TRIM24: variants seen among roughly 807,000 people sequenced by gnomAD.
The protein encoded by TRIM24 is tripartite motif containing 24, also known as transcription intermediary factor 1-alpha.
Under a neutral mutation model 123.9 loss-of-function variants are expected in TRIM24, and 29 were observed. That is an observed-to-expected ratio of 0.23 (90% CI 0.17 to 0.32). The LOEUF (loss-of-function observed/expected upper bound fraction) is 0.32, where lower values mean the gene tolerates loss of function less well. Among genes scored for constraint, TRIM24 ranks in the 10% least tolerant of loss-of-function variants. The pLI is 1.00. For missense variants in TRIM24, 932 were observed against 1,295.3 expected (o/e 0.72, Z 4.31); for synonymous variants, 456 against 461.1 (o/e 0.99, Z 0.14).
chr7:138,480,682 A>G (rs1338223761), intron 1 of TRIM24, among the ~76,000 whole-genome samples: 3 of 152,062 alleles, frequency 2.0e-5, no homozygotes, highest in Non-Finnish European at 4.4e-5. Flanking sequence ...GATCATAGAG[A>G]AGGTGAACGC....
At chr7:138,507,822 A>G (rs974210612) in intron 2 of TRIM24, among the ~76,000 whole-genome samples, 4 of 152,026 alleles carry the variant, frequency 2.6e-5, no homozygotes, top group Non-Finnish European at 4.4e-5. Context: ...AGTCCCAGCT[A>G]GTTGGGAGGC....
intron 9 of TRIM24, among the ~76,000 whole-genome samples, chr7:138,557,330 A>G (rs535882931): frequency 6.6e-6 from 1 of 152,156 alleles, no homozygotes; most frequent in South Asian, 2.1e-4. Context: ...GTTTAATGGA[A>G]AGCATCTCTA....
intron 10 of TRIM24, among the ~76,000 whole-genome samples, chr7:138,570,248 A>G (rs1188758513): frequency 1.3e-5 from 2 of 152,116 alleles, no homozygotes; most frequent in Non-Finnish European, 1.5e-5. Context: ...TGCCCAGCCC[A>G]TCATGTTTTT....
chr7:138,549,942 G>C (rs1797177299), intron 7 of TRIM24, among the ~76,000 whole-genome samples: 1 of 152,160 alleles, frequency 6.6e-6, no homozygotes, highest in South Asian at 2.1e-4. Flanking sequence ...AAAAGTGGTG[G>C]AAGTTTGTGG....
chr7:138,544,188 A>G (rs959566560), intron 7 of TRIM24, among the ~76,000 whole-genome samples: 1 of 152,140 alleles, frequency 6.6e-6, no homozygotes, highest in Admixed American at 6.6e-5. Context: ...TACATTTCCT[A>G]CCCACCTAGC....
At chr7:138,528,086 C>A (rs1362028721) in intron 5 of TRIM24, among the ~76,000 whole-genome samples, 1 of 151,898 alleles carries the variant, frequency 6.6e-6, no homozygotes, top group Non-Finnish European at 1.5e-5. Flanking sequence ...ATGACTCTTG[C>A]TATGCGGCCT....
intron 6 of TRIM24, among the ~76,000 whole-genome samples, chr7:138,537,057 G>A (rs527729626): frequency 2.3e-4 from 35 of 152,214 alleles, no homozygotes; most frequent in East Asian, 5.8e-4. Context: ...TGCTAAGTCC[G>A]TTGGAAAAGC....
At chr7:138,463,989 C>CCTTTTTTTTTTTTT (rs1554429651) in intron 1 of TRIM24, among the ~76,000 whole-genome samples, 1 of 50,766 alleles carries the variant, frequency 2.0e-5, no homozygotes, top group Admixed American at 3.2e-4. Context: ...AAAATTTAGA[C>CCTTTTTTTTTTTTT]TTTTTTTTTT....
At chr7:138,574,673 G>A (rs1311779793) in intron 12 of TRIM24, among the ~76,000 whole-genome samples, 2 of 152,178 alleles carry the variant, frequency 1.3e-5, no homozygotes, top group African/African-American at 4.8e-5. Context: ...CATTGAGAAT[G>A]TGATGAGAGG....
intron 5 of TRIM24, among the ~76,000 whole-genome samples, chr7:138,526,290 G>C (rs949400336): frequency 8.5e-5 from 13 of 152,132 alleles, no homozygotes; most frequent in African/African-American, 2.4e-4. Flanking sequence ...TGTATTACCT[G>C]ATTCCCTTAA....
chr7:138,558,017 A>T (rs1177525410), intron 9 of TRIM24, among the ~76,000 whole-genome samples: 2 of 152,114 alleles, frequency 1.3e-5, no homozygotes, highest in African/African-American at 2.4e-5. Context: ...TTGTTTCATC[A>T]TAAACAGGGT....
chr7:138,507,717 C>T (rs996465798), intron 2 of TRIM24, among the ~76,000 whole-genome samples: 1 of 152,056 alleles, frequency 6.6e-6, no homozygotes, highest in Non-Finnish European at 1.5e-5. Context: ...AAAGGACCAG[C>T]CTGGGCAACA....
intron 2 of TRIM24, among the ~76,000 whole-genome samples, chr7:138,508,520 T>G (rs1796197282): frequency 6.6e-6 from 1 of 152,206 alleles, no homozygotes; most frequent in Non-Finnish European, 1.5e-5. Context: ...AAGAGAAAGC[T>G]TCCTTCATCA....
Position 138,554,701 on chromosome 7 carries a change from C to T in TRIM24, c.1265C>T (p.Ser422Phe). 4 of 1,613,440 alleles carry T rather than the reference C, an allele frequency of 2.5e-6. No individual in the cohort carries two copies. The highest frequency in any genetic ancestry group is 3.4e-6 in the Non-Finnish European group (4 of 1,179,488). ...FWAQNIINLGSLVIEDKESQP... is the reference protein window; with the variant it reads ...FWAQNIINLGFLVIEDKESQP... ...TTAACCTTTTCTTTTTAATTAGGTT[C>T]TTTAGTAATCGAGGATAAAGAGAGC... is the stretch of plus-strand genomic sequence containing the variant. Residue 422 changes from serine to phenylalanine, a missense_variant, in exon 9 of 19, where the codon TCT becomes TTT. Ser to Phe is a radical substitution (Grantham distance 155, BLOSUM62 -2). Coordinates refer to ENST00000343526, the MANE Select transcript of TRIM24 (RefSeq NM_015905.3). The surrounding 1 kb of genome is among the most constrained non-coding windows in gnomAD (Gnocchi z 4.5).
At chr7:138,486,420 G>T (rs557376319) in intron 1 of TRIM24, among the ~76,000 whole-genome samples, 5 of 152,302 alleles carry the variant, frequency 3.3e-5, no homozygotes, top group South Asian at 2.1e-4. Context: ...CCATGCCTAT[G>T]TCCTGAATGG....
chr7:138,530,874 C>T (rs1796717428), intron 6 of TRIM24, among the ~76,000 whole-genome samples: 1 of 152,058 alleles, frequency 6.6e-6, no homozygotes, highest in Non-Finnish European at 1.5e-5. Flanking sequence ...ATCTTCCCAC[C>T]CCAGTCTCCT....
intron 1 of TRIM24, among the ~76,000 whole-genome samples, chr7:138,496,704 T>C (rs1222055930): frequency 6.6e-6 from 1 of 152,138 alleles, no homozygotes; most frequent in Non-Finnish European, 1.5e-5. Flanking sequence ...TCTCACTATG[T>C]GGCCCAGGCT....
At chr7:138,550,501 T>C (rs77843969) in intron 7 of TRIM24, among the ~76,000 whole-genome samples, 3,311 of 152,112 alleles carry the variant, frequency 0.022, 102 homozygotes, top group African/African-American at 0.073. Context: ...TCTTCAAGGA[T>C]TGAGGGAGAA....
At chr7:138,524,135 T>A (rs868740272) in intron 4 of TRIM24, among the ~76,000 whole-genome samples, 4 of 152,168 alleles carry the variant, frequency 2.6e-5, no homozygotes, top group Non-Finnish European at 2.9e-5. Context: ...AGTATATGCC[T>A]ATCTCAATAG....
Sources: gnomAD v4.1 joint callset for allele counts (sites outside exome capture counted in the v4.1 genomes callset) on GRCh38, gnomAD v4.1.1 for gene constraint, Gnocchi (gnomAD v3.1) non-coding constraint, MANE v1.5 for transcripts, NCBI Gene and HGNC (gene_info 2026-07-23, HGNC 2026-07-21) for gene names.